Variants in NEBL observed in about 807,000 individuals in gnomAD.
The protein encoded by NEBL is nebulette.
A neutral mutation model predicts 140.2 loss-of-function variants in NEBL; 122 were observed. That is an observed-to-expected ratio of 0.87 (90% CI 0.75 to 1.01). The LOEUF (loss-of-function observed/expected upper bound fraction) is 1.01, where lower values mean the gene tolerates loss of function less well. Ranked by LOEUF, NEBL falls within the 50% of genes least tolerant of loss-of-function variation. The pLI, the probability that NEBL is intolerant of heterozygous loss-of-function variation, is 0.00. For missense variants in NEBL, 1,365 were observed against 1,231.3 expected (o/e 1.11, Z -1.62); for synonymous variants, 436 against 398.9 (o/e 1.09, Z -1.11).
At chr10:21,080,720 G>A (rs184162565) in intron 2 of NEBL, among the ~76,000 whole-genome samples, 1 of 152,224 alleles carries the variant, frequency 6.6e-6, no homozygotes, top group Non-Finnish European at 1.5e-5. Flanking sequence ...TCTAGAAGGA[G>A]GTGTCCAACC....
At chr10:20,865,479 C>A (rs1472141882) in intron 7 of NEBL, among the ~76,000 whole-genome samples, 1 of 152,142 alleles carries the variant, frequency 6.6e-6, no homozygotes, top group African/African-American at 2.4e-5. Flanking sequence ...TACAGCCCAG[C>A]TCCAGGGTAC....
In NEBL at chr10:20,781,754, C is replaced by T. The variant is rs35422327; in HGVS notation, c.*3993G>A. ...CTTGACTTTTTTGATCAACAGTTGA[C>T]AGTTAGTTGCGAGGAAAGGGTCCAA... On this transcript the variant is annotated 3_prime_UTR_variant, in exon 28 of 28. Transcript: ENST00000377122. 2.7e-3 allele frequency: 416 copies of T among 152,708 alleles called. 2 individuals are homozygous for T. Among genetic ancestry groups the T allele is most frequent in the South Asian group, 5.8e-3 (28 of 4,828 alleles). The allele number at this position is 152,708 out of a possible 1,614,324, so 9.5% of individuals were successfully genotyped here.
intron 3 of NEBL, among the ~76,000 whole-genome samples, chr10:21,187,466 G>A (rs890027913): frequency 4.6e-5 from 7 of 151,320 alleles, no homozygotes; most frequent in African/African-American, 1.7e-4. Flanking sequence ...GGCAAATCTT[G>A]GCTTTTTGAA....
At chr10:20,933,703 C>T (rs1834321717) in intron 4 of NEBL, among the ~76,000 whole-genome samples, 1 of 152,188 alleles carries the variant, frequency 6.6e-6, no homozygotes, top group Admixed American at 6.5e-5. Flanking sequence ...CATTGCATTG[C>T]ATCCAGATTG....
chr10:20,916,026 G>A (rs969701972), intron 4 of NEBL, among the ~76,000 whole-genome samples: 1 of 152,160 alleles, frequency 6.6e-6, no homozygotes, highest in African/African-American at 2.4e-5. Flanking sequence ...GTCTTTCTAC[G>A]ATAAACCGTT....
At position 20,885,312 on chromosome 10, in the gene NEBL, G is replaced by T. The variant is rs377222699; in HGVS notation, c.369+2785C>A. On this transcript the variant is annotated intron_variant, in intron 4 of 27. Coordinates refer to ENST00000377122, the MANE Select transcript of NEBL (RefSeq NM_006393.3). ...TTTAACAATAATAAAATCGATGTAC[G>T]TAAATCTAAAGAAATGTTATGACAG... Among the ~76,000 whole-genome samples, 76 of 152,310 alleles carry T rather than the reference G, an allele frequency of 5.0e-4. 1 individual carries two copies. Among genetic ancestry groups the T allele is most frequent in the African/African-American group, 1.8e-3 (74 of 41,560 alleles).
At chr10:20,994,446 TAATG>T (rs1837585420) in intron 3 of NEBL, among the ~76,000 whole-genome samples, 3 of 152,322 alleles carry the variant, frequency 2.0e-5, no homozygotes, top group Admixed American at 6.5e-5. Flanking sequence ...CTGCATTAAT[TAATG>T]AATAAGATTC....
chr10:20,942,442 G>C lies in NEBL; in HGVS notation c.357+19230C>G, dbSNP rs868236813. ...ACACCTTATACAAAAATTAATTCAA[G>C]ATGGATTAAAGACTTAAATGTCAGA... On this transcript the variant is annotated intron_variant, in intron 4 of 6. Coordinates refer to the NEBL transcript ENST00000417816. Among the ~76,000 whole-genome samples the C allele has an allele frequency of 2.0e-5, 3 of 152,266 alleles. No homozygotes were observed. The Middle Eastern group carries it at 0.01, about 518-fold the overall frequency.
intron 24 of NEBL, among the ~76,000 whole-genome samples, chr10:20,810,752 T>C (rs966748625): frequency 3.3e-5 from 5 of 152,228 alleles, no homozygotes; most frequent in African/African-American, 1.2e-4. Flanking sequence ...GTTATAGACA[T>C]ACGGCAGAAA....
chr10:21,039,138 T>C (rs1346967339), intron 2 of NEBL, among the ~76,000 whole-genome samples: 1 of 146,758 alleles, frequency 6.8e-6, no homozygotes, highest in Non-Finnish European at 1.5e-5. Flanking sequence ...CTTTGTCCAA[T>C]GGGTTACTTG....
intron 2 of NEBL, among the ~76,000 whole-genome samples, chr10:21,034,390 T>G (rs1833932436): frequency 6.6e-6 from 1 of 152,116 alleles, no homozygotes; most frequent in South Asian, 2.1e-4. Flanking sequence ...CTACCTCCTG[T>G]GCTCAGAGCA....
At chr10:21,011,645 CTGGCATCTGTTGGCATCTG>C (rs371806289) in intron 3 of NEBL, among the ~76,000 whole-genome samples, 1,875 of 150,140 alleles carry the variant, frequency 0.012, 30 homozygotes, top group African/African-American at 0.045. Context: ...GCATCTGTGG[CTGGCATCTGTTGGCATCTG>C]TGGCATCTGT....
intron 2 of NEBL, among the ~76,000 whole-genome samples, chr10:21,111,715 C>T (rs2132020147): frequency 6.6e-6 from 1 of 150,904 alleles, no homozygotes; most frequent in South Asian, 2.1e-4. Context: ...AAAAGCATGG[C>T]AACAAAAGCC....
At chr10:21,251,326 C>T (rs924974280) in intron 2 of NEBL, among the ~76,000 whole-genome samples, 4 of 152,118 alleles carry the variant, frequency 2.6e-5, no homozygotes, top group Admixed American at 6.6e-5. Context: ...TAGCTGTGGC[C>T]AGGTCGGGGT....
intron 2 of NEBL, among the ~76,000 whole-genome samples, chr10:21,137,515 A>G (rs1027994959): frequency 2.6e-5 from 4 of 152,224 alleles, no homozygotes; most frequent in African/African-American, 9.6e-5. Flanking sequence ...CTCCGTGTCT[A>G]AGAACACTAC....
chr10:20,886,668 C>T (rs1224363562), intron 4 of NEBL, among the ~76,000 whole-genome samples: 1 of 152,164 alleles, frequency 6.6e-6, no homozygotes, highest in South Asian at 2.1e-4. Context: ...CATGTGCCGG[C>T]GCTGCCATTT....
At chr10:20,823,687 G>T (rs1291569083) in intron 18 of NEBL, among the ~76,000 whole-genome samples, 1 of 151,966 alleles carries the variant, frequency 6.6e-6, no homozygotes, top group Non-Finnish European at 1.5e-5. Flanking sequence ...GTATTTAAAG[G>T]CAAAAGTCAA....
intron 2 of NEBL, among the ~76,000 whole-genome samples, chr10:21,122,909 A>G (rs187550353): frequency 2.9e-4 from 44 of 152,292 alleles, no homozygotes; most frequent in African/African-American, 9.4e-4. Context: ...GAATACTCTC[A>G]TCTTCCTAAG....
Position 21,227,713 on chromosome 10 carries a change from T to TTCTTCTTCTTCTTC in NEBL, n.348+20207_348+20208insGAAGAAGAAGAAGA, listed in dbSNP as rs1842180073. Reference sequence around the variant, plus strand: ...TCTTCTTCTTCTTCTTCTTCTTCTTTCTTCTTCTTCTTCTTCTTCTTCTTC... The same window carrying TTCTTCTTCTTCTTC: ...TCTTCTTCTTCTTCTTCTTCTTCTTTTCTTCTTCTTCTTCCTTCTTCTTCTTCTTCTTCTTCTTC... On this transcript the variant is annotated intron_variant and non_coding_transcript_variant, in intron 3 of 8. Coordinates refer to the NEBL transcript ENST00000675702. Among the ~76,000 whole-genome samples the TTCTTCTTCTTCTTC allele has an allele frequency of 6.3e-5, 4 of 63,680 alleles. No individual in the cohort carries two copies. In the Admixed American group the frequency reaches 6.9e-4, roughly 11 times the overall value. The allele number at this position is 63,680 out of a possible 152,430, so 41.8% of individuals were successfully genotyped here. A position where few individuals can be genotyped will look rare whatever the true frequency, so the allele number is the denominator to read the frequency against.
Sources: gnomAD v4.1 joint callset for allele counts (sites outside exome capture counted in the v4.1 genomes callset) on GRCh38, gnomAD v4.1.1 for gene constraint, MANE v1.5 for transcripts, NCBI Gene and HGNC (gene_info 2026-07-23, HGNC 2026-07-21) for gene names.